The following FRAS1 variants were observed in gnomAD, a reference collection of about 807,000 sequenced individuals.
FRAS1 encodes extracellular matrix organizing protein FRAS1.
Under a neutral mutation model 435.2 loss-of-function variants are expected in FRAS1, and 290 were observed. The observed-to-expected ratio is 0.67, with a 90% CI of 0.61 to 0.73. The LOEUF is 0.73. FRAS1 is among the 30% of genes least tolerant of loss of function. FRAS1 has a pLI of 0.00. For synonymous variants in FRAS1, 1,800 were observed against 1,851.0 expected, an observed-to-expected ratio of 0.97 and a Z score of 0.71; for missense variants, 4,860 against 5,001.5, an observed-to-expected ratio of 0.97 and a Z score of 0.85.
chr4:78,098,892 G>T (rs1374422926), intron 2 of FRAS1, among the ~76,000 whole-genome samples: 1 of 152,204 alleles, frequency 6.6e-6, no homozygotes, highest in Non-Finnish European at 1.5e-5. Context: ...GGTAGGAATT[G>T]TTGGCAGTAT....
intron 2 of FRAS1, among the ~76,000 whole-genome samples, chr4:78,101,124 T>A (rs1418028220): frequency 1.3e-5 from 2 of 149,982 alleles, no homozygotes; most frequent in South Asian, 2.1e-4. Context: ...ATTTTTTTTT[T>A]AAAGACAGCT....
intron 49 of FRAS1, among the ~76,000 whole-genome samples, chr4:78,465,213 T>G (rs1578340296): frequency 6.6e-6 from 1 of 152,364 alleles, no homozygotes; most frequent in Middle Eastern, 3.4e-3. Context: ...TTTCATCAAA[T>G]ATTAATTACC....
chr4:78,410,653 T>A (rs1381108800), intron 31 of FRAS1, among the ~76,000 whole-genome samples: 1 of 152,156 alleles, frequency 6.6e-6, no homozygotes. Flanking sequence ...TTAAAAAATA[T>A]AGCTAAATAG....
At chr4:78,309,308 C>T (rs1728921960) in intron 15 of FRAS1, among the ~76,000 whole-genome samples, 1 of 152,098 alleles carries the variant, frequency 6.6e-6, no homozygotes, top group Non-Finnish European at 1.5e-5. Context: ...TGTTTTAAGC[C>T]AAAGAGTTTA....
intron 62 of FRAS1, among the ~76,000 whole-genome samples, chr4:78,507,911 C>T (rs1200652810): frequency 6.6e-6 from 1 of 152,132 alleles, no homozygotes; most frequent in East Asian, 1.9e-4. Context: ...GCACAAATGT[C>T]AATAGTGTTG....
At chr4:78,424,664 C>T (rs978302984) in intron 35 of FRAS1, among the ~76,000 whole-genome samples, 1 of 151,910 alleles carries the variant, frequency 6.6e-6, no homozygotes, top group Non-Finnish European at 1.5e-5. Flanking sequence ...GTTTAAGAGC[C>T]AGGCATGGTG....
intron 2 of FRAS1, among the ~76,000 whole-genome samples, chr4:78,093,061 A>G (rs1271982985): frequency 1.3e-5 from 2 of 152,208 alleles, no homozygotes; most frequent in African/African-American, 2.4e-5. Flanking sequence ...TGTGATTTTC[A>G]TTCAAAGTTA....
At chr4:78,322,388 G>A (rs569635471) in intron 18 of FRAS1, among the ~76,000 whole-genome samples, 18 of 152,278 alleles carry the variant, frequency 1.2e-4, no homozygotes, top group South Asian at 4.1e-4. Flanking sequence ...ATGTGTGTGC[G>A]TGTGAGTGTG....
At chr4:78,091,978 CAAAAA>C (rs34804542) in intron 2 of FRAS1, among the ~76,000 whole-genome samples, 1 of 83,732 alleles carries the variant, frequency 1.2e-5, no homozygotes, top group African/African-American at 5.1e-5. Flanking sequence ...GAGACTGTCT[CAAAAA>C]AAAAAAAAAA....
At chr4:78,426,531 A>G (rs1734004920) in intron 35 of FRAS1, among the ~76,000 whole-genome samples, 1 of 152,200 alleles carries the variant, frequency 6.6e-6, no homozygotes, top group African/African-American at 2.4e-5. Context: ...AAGGCAGGAA[A>G]AAGCCCAAGA....
At chr4:78,255,464 G>A (rs1235439660) in intron 6 of FRAS1, 89 bp downstream of exon 6, 3 of 1,327,112 alleles carry the variant, frequency 2.3e-6, no homozygotes, top group Non-Finnish European at 2.0e-6. Flanking sequence ...GGCCTCAGAA[G>A]CACTAGAAAC....
At chr4:78,113,263 T>C (rs1233557249) in intron 2 of FRAS1, among the ~76,000 whole-genome samples, 1 of 152,222 alleles carries the variant, frequency 6.6e-6, no homozygotes, top group Non-Finnish European at 1.5e-5. Flanking sequence ...GTCTTTGCTA[T>C]TGTGAATAGT....
intron 2 of FRAS1, among the ~76,000 whole-genome samples, chr4:78,134,691 A>G (rs1042996434): frequency 4.6e-5 from 7 of 152,200 alleles, no homozygotes; most frequent in Admixed American, 2.0e-4. Flanking sequence ...TGTGTAATTT[A>G]TCAATTATAA....
At chr4:78,230,731 A>C (rs1724482195) in intron 2 of FRAS1, among the ~76,000 whole-genome samples, 1 of 152,208 alleles carries the variant, frequency 6.6e-6, no homozygotes, top group African/African-American at 2.4e-5. Context: ...TTGAAGGGCA[A>C]GTAGGAAACA....
At chr4:78,162,553 TC>T (rs1721185703) in intron 2 of FRAS1, among the ~76,000 whole-genome samples, 1 of 152,214 alleles carries the variant, frequency 6.6e-6, no homozygotes, top group Admixed American at 6.5e-5. Flanking sequence ...GAGGAAAATG[TC>T]CTTTTAAATG....
In FRAS1 at chr4:78,439,187, G is replaced by A. The variant is rs568349090; in HGVS notation, c.5529+123G>A. The A allele has an allele frequency of 1.5e-4, 115 of 791,742 alleles. 1 individual carries two copies. In the South Asian group the frequency reaches 1.6e-3, roughly 11 times the overall value. 49.0% of individuals were successfully genotyped at this position (791,742 alleles called of 1,614,324 possible). A position where few individuals can be genotyped will look rare whatever the true frequency, so the allele number is the denominator to read the frequency against. On this transcript the variant is annotated intron_variant, in intron 40 of 73. Coordinates refer to ENST00000512123, the MANE Select transcript of FRAS1 (RefSeq NM_025074.7). ...ATTTCCCCCAAAATATCCAGGCAGC[G>A]GTATGAAGATATGCATGGTTTTCAA...
intron 14 of FRAS1, among the ~76,000 whole-genome samples, chr4:78,301,846 GTTTTTTTT>G (rs59794614): frequency 1.9e-5 from 2 of 103,936 alleles, no homozygotes; most frequent in East Asian, 2.9e-4. Context: ...CACAGAAACA[GTTTTTTTT>G]TTTTTTTTTT....
chr4:78,325,953 G>A (rs572790511), intron 18 of FRAS1, among the ~76,000 whole-genome samples: 9 of 152,332 alleles, frequency 5.9e-5, no homozygotes, highest in Non-Finnish European at 1.2e-4. Flanking sequence ...GAAGTACAGC[G>A]TGTTTGGTAT....
chr4:78,114,593 G>A lies in FRAS1; in HGVS notation c.108+48577G>A, dbSNP rs545496565. Among the ~76,000 whole-genome samples, 37 of 152,072 alleles carry A rather than the reference G, an allele frequency of 2.4e-4. 1 individual carries two copies. The South Asian group carries it at 7.1e-3, about 29-fold the overall frequency. On this transcript the variant is annotated intron_variant, in intron 2 of 73. Transcript: ENST00000512123. ...GTATTTTATTCTCTCTGAAGCAATT[G>A]TGAATGGGGGTTCACTCATGATTTG...
Sources: allele counts gnomAD v4.1 joint callset (sites outside exome capture counted in the v4.1 genomes callset), GRCh38; gene constraint gnomAD v4.1.1; transcripts MANE v1.5; gene names NCBI Gene and HGNC (gene_info 2026-07-23, HGNC 2026-07-21).